The following RAVER2 variants were observed in gnomAD, a reference collection of about 807,000 sequenced individuals.
RAVER2 encodes the protein ribonucleoprotein PTB-binding 2.
Under a neutral mutation model 78.1 loss-of-function variants are expected in RAVER2, and 46 were observed. The ratio of observed to expected loss-of-function variants is 0.59; its 90% CI spans 0.46 to 0.75. The LOEUF is 0.75. RAVER2 is among the 30% of genes least tolerant of loss of function. The pLI, the probability that RAVER2 is intolerant of heterozygous loss-of-function variation, is 0.00. For missense variants in RAVER2, 793 were observed against 837.5 expected, an observed-to-expected ratio of 0.95 and a Z score of 0.66; for synonymous variants, 311 against 313.3, an observed-to-expected ratio of 0.99 and a Z score of 0.08.
At chr1:64,766,797 G>A (rs550771992) in intron 1 of RAVER2, among the ~76,000 whole-genome samples, 25 of 152,178 alleles carry the variant, frequency 1.6e-4, no homozygotes, top group African/African-American at 5.3e-4. Context: ...CAAAAAAACC[G>A]TGTCACCTTC....
intron 11 of RAVER2, among the ~76,000 whole-genome samples, chr1:64,829,130 T>C (rs1244159915): frequency 6.6e-6 from 1 of 152,248 alleles, no homozygotes; most frequent in Non-Finnish European, 1.5e-5. Flanking sequence ...AATAAAAGAA[T>C]GTAATAAATT....
intron 1 of RAVER2, among the ~76,000 whole-genome samples, chr1:64,753,789 TG>T (rs1389468265): frequency 6.6e-6 from 1 of 152,200 alleles, no homozygotes; most frequent in African/African-American, 2.4e-5. Context: ...CCCAAAGTGC[TG>T]GGATTACAGG....
At chr1:64,827,569 A>G (rs1049796100) in intron 11 of RAVER2, among the ~76,000 whole-genome samples, 3 of 152,226 alleles carry the variant, frequency 2.0e-5, no homozygotes, top group Admixed American at 1.3e-4. Context: ...CCACCTGAAT[A>G]TTAGACATGT....
rs542510297 is a variant in RAVER2 at position 64,820,554 on chromosome 1, CCCT to C, written c.1929+5720_1929+5722del. Among the ~76,000 whole-genome samples, 351 of 152,274 alleles carry C rather than the reference CCCT, an allele frequency of 2.3e-3. 2 individuals are homozygous for C. The highest frequency in any genetic ancestry group is 8.0e-3 in the African/African-American group (333 of 41,558). On this transcript the variant is annotated intron_variant, in intron 11 of 11. Transcript: ENST00000294428. ...CAATAGTTATCTTTTCTGCTGCTCT[CCCT>C]CCTCCCACCCTCCACCCTCATGTAG...
intron 4 of RAVER2, among the ~76,000 whole-genome samples, chr1:64,783,872 TG>T (rs1652705759): frequency 6.6e-6 from 1 of 152,238 alleles, no homozygotes; most frequent in Non-Finnish European, 1.5e-5. Context: ...CAAAAGATAC[TG>T]GGCTTTATAA....
chr1:64,759,859 T>G (rs1179808648), intron 1 of RAVER2, among the ~76,000 whole-genome samples: 2 of 152,122 alleles, frequency 1.3e-5, no homozygotes, highest in Non-Finnish European at 2.9e-5. Flanking sequence ...TGGTTTATGT[T>G]AATGTCGTAA....
intron 9 of RAVER2, among the ~76,000 whole-genome samples, chr1:64,809,326 G>T (rs1314840139): frequency 6.6e-6 from 1 of 152,036 alleles, no homozygotes; most frequent in Non-Finnish European, 1.5e-5. Flanking sequence ...TGTCAGTAGG[G>T]GTTGTACCAG....
intron 1 of RAVER2, among the ~76,000 whole-genome samples, chr1:64,758,520 G>A (rs1448102802): frequency 2.0e-5 from 3 of 152,142 alleles, no homozygotes; most frequent in African/African-American, 7.2e-5. Context: ...GTTTGTTGCT[G>A]GGTCTGAAGA....
intron 11 of RAVER2, among the ~76,000 whole-genome samples, chr1:64,826,422 G>T (rs1335014778): frequency 6.6e-6 from 1 of 152,186 alleles, no homozygotes; most frequent in Non-Finnish European, 1.5e-5. Flanking sequence ...GAATATCTAT[G>T]TAAAGTACAT....
At chr1:64,785,355 G>A (rs1023451267) in intron 4 of RAVER2, among the ~76,000 whole-genome samples, 14 of 149,348 alleles carry the variant, frequency 9.4e-5, no homozygotes, top group Non-Finnish European at 1.5e-4. Flanking sequence ...TGGTGATTGT[G>A]CCTGTCCCTA....
At chr1:64,781,328 A>G in intron 3 of RAVER2, 52 bp from the exon 4 acceptor site, 1 of 1,433,136 alleles carries the variant, frequency 7.0e-7, no homozygotes, top group East Asian at 2.3e-5. Context: ...TCGTAAATAA[A>G]TGTTTCTAAG....
At chr1:64,819,275 G>A (rs1653827160) in intron 11 of RAVER2, among the ~76,000 whole-genome samples, 1 of 152,004 alleles carries the variant, frequency 6.6e-6, no homozygotes, top group Non-Finnish European at 1.5e-5. Flanking sequence ...ATAATGAACA[G>A]GTATGGAATC....
At chr1:64,831,901 C>CTGAT (rs1423901905) in exon 12 of RAVER2, 3 of 152,174 alleles carry the variant, frequency 2.0e-5, no homozygotes, top group African/African-American at 7.2e-5. Context: ...AAGGGCAGAA[C>CTGAT]TGATTAGCTT....
chr1:64,768,143 TA>T (rs1208095934), intron 1 of RAVER2, among the ~76,000 whole-genome samples: 2 of 152,020 alleles, frequency 1.3e-5, no homozygotes, highest in African/African-American at 4.8e-5. Flanking sequence ...ACAGGTGTAT[TA>T]CTTGTTAAAA....
At chr1:64,773,841 T>C (rs1570542874) in intron 2 of RAVER2, among the ~76,000 whole-genome samples, 1 of 152,222 alleles carries the variant, frequency 6.6e-6, no homozygotes, top group East Asian at 1.9e-4. Context: ...CTCCAGCATC[T>C]GTTGTTTCCT....
chr1:64,787,675 G>T (rs982706794), intron 4 of RAVER2, among the ~76,000 whole-genome samples: 1 of 152,164 alleles, frequency 6.6e-6, no homozygotes, highest in Non-Finnish European at 1.5e-5. Flanking sequence ...GCACTTGTGT[G>T]CCATCCTGCT....
exon 12 of RAVER2, chr1:64,831,104 AG>A: frequency 9.1e-7 from 1 of 1,104,664 alleles, no homozygotes; most frequent in Non-Finnish European, 1.3e-6. Flanking sequence ...GTTTCCCAGA[AG>A]GAACTGTGTT....
At chr1:64,775,619 A>G (rs1652439314) in intron 2 of RAVER2, among the ~76,000 whole-genome samples, 2 of 152,224 alleles carry the variant, frequency 1.3e-5, no homozygotes, top group South Asian at 4.1e-4. Flanking sequence ...AAGGCACCCC[A>G]AGGAGTACTA....
intron 5 of RAVER2, among the ~76,000 whole-genome samples, chr1:64,797,487 GTGA>G (rs1179298811): frequency 3.9e-5 from 6 of 152,192 alleles, no homozygotes; most frequent in Non-Finnish European, 7.4e-5. Context: ...ATAAAATACA[GTGA>G]TGATATGAAA....
Sources: allele counts gnomAD v4.1 joint callset (sites outside exome capture counted in the v4.1 genomes callset), GRCh38; gene constraint gnomAD v4.1.1; transcripts MANE v1.5; gene names NCBI Gene and HGNC (gene_info 2026-07-23, HGNC 2026-07-21).